Variants in EMCN observed in about 807,000 individuals in gnomAD.
EMCN encodes the protein endomucin, also known as MUC-14.
EMCN carries 37 observed loss-of-function variants against 38.4 expected under a neutral mutation model. The observed-to-expected ratio is 0.96, with a 90% CI of 0.74 to 1.27. EMCN has a LOEUF of 1.27. Among genes scored for constraint, EMCN ranks in the 50% most tolerant of loss-of-function variants. EMCN has a pLI of 0.00. For synonymous variants in EMCN, 95 were observed against 100.8 expected, an observed-to-expected ratio of 0.94 and a Z score of 0.35; for missense variants, 318 against 302.8, an observed-to-expected ratio of 1.05 and a Z score of -0.37.
chr4:100,483,395 C>G (rs1728861720), intron 1 of EMCN: 2 of 152,130 alleles, frequency 1.3e-5, no homozygotes, highest in Admixed American at 1.3e-4. Flanking sequence ...TCAGCTCCAG[C>G]TGCTCTCTGC....
At chr4:100,416,305 C>T (rs1434762095) in intron 9 of EMCN, among the ~76,000 whole-genome samples, 3 of 152,094 alleles carry the variant, frequency 2.0e-5, no homozygotes, top group African/African-American at 4.8e-5. Context: ...AGGTCCATAT[C>T]GCACATGTCT....
chr4:100,439,643 TTTA>T (rs1727455539), intron 5 of EMCN, among the ~76,000 whole-genome samples: 1 of 151,710 alleles, frequency 6.6e-6, no homozygotes, highest in South Asian at 2.1e-4. Context: ...TGTTTTTATT[TTTA>T]TTATTTTCTT....
At chr4:100,477,786 CAGAT>C (rs1297643698) in intron 2 of EMCN, among the ~76,000 whole-genome samples, 4 of 140,288 alleles carry the variant, frequency 2.9e-5, no homozygotes, top group African/African-American at 1.1e-4. Flanking sequence ...TTCTTCACTA[CAGAT>C]ACCTTTTTTT....
At chr4:100,475,534 T>C (rs11097721) in intron 2 of EMCN, among the ~76,000 whole-genome samples, 57,563 of 151,422 alleles carry the variant, frequency 0.38, 11,838 homozygotes, top group East Asian at 0.77. Context: ...TTTCATTTTA[T>C]TGATGTAGTT....
chr4:100,516,650 A>C (rs1005930326), intron 1 of EMCN, among the ~76,000 whole-genome samples: 1 of 152,150 alleles, frequency 6.6e-6, no homozygotes, highest in African/African-American at 2.4e-5. Context: ...TCCAAGATGC[A>C]TGATGAGCAA....
chr4:100,464,582 T>C (rs944157028), intron 4 of EMCN, among the ~76,000 whole-genome samples: 3 of 152,216 alleles, frequency 2.0e-5, no homozygotes, highest in Admixed American at 1.3e-4. Context: ...TTCTAGTTTA[T>C]TGAGAGTTTT....
chr4:100,423,812 C>T (rs1726968059), intron 5 of EMCN, among the ~76,000 whole-genome samples: 1 of 151,938 alleles, frequency 6.6e-6, no homozygotes. Flanking sequence ...CATAACTGCA[C>T]AGGACGTCAG....
intron 10 of EMCN, among the ~76,000 whole-genome samples, chr4:100,414,738 T>C (rs1726665809): frequency 6.6e-6 from 1 of 152,174 alleles, no homozygotes; most frequent in Non-Finnish European, 1.5e-5. Context: ...CAGCCTTTAA[T>C]ATCTTGCTCT....
chr4:100,406,700 A>T (rs974251197), intron 11 of EMCN, among the ~76,000 whole-genome samples: 16 of 152,120 alleles, frequency 1.1e-4, no homozygotes, highest in Non-Finnish European at 1.6e-4. Flanking sequence ...AAGGATTTAT[A>T]TTCTGCTTTT....
chr4:100,494,422 G>T (rs575392709), intron 1 of EMCN, among the ~76,000 whole-genome samples: 182 of 152,200 alleles, frequency 1.2e-3, no homozygotes, highest in African/African-American at 4.3e-3. Flanking sequence ...TGGTTGGGGA[G>T]TATCTGCTCT....
In EMCN at chr4:100,423,095, A is replaced by G. The variant is rs753147720; in HGVS notation, c.509-15T>C. On this transcript the variant is annotated splice_polypyrimidine_tract_variant and intron_variant, in intron 6 of 11. Transcript: ENST00000296420. ...AGTGCCTATTACTTTAAGAAAGAAA[A>G]AAACAAGTCACTTTTGGTTAATGTG... is the stretch of plus-strand genomic sequence containing the variant. 3.7e-5 allele frequency: 59 copies of G among 1,612,654 alleles called. No homozygotes were observed. The South Asian group carries it at 6.4e-4, about 17-fold the overall frequency.
At chr4:100,495,278 A>T (rs1729182219) in intron 1 of EMCN, among the ~76,000 whole-genome samples, 1 of 152,072 alleles carries the variant, frequency 6.6e-6, no homozygotes, top group South Asian at 2.1e-4. Flanking sequence ...GCTGAGTCAC[A>T]ATAATGAGTT....
chr4:100,495,997 A>G (rs1729196929), intron 1 of EMCN, among the ~76,000 whole-genome samples: 1 of 152,152 alleles, frequency 6.6e-6, no homozygotes, highest in Admixed American at 6.5e-5. Flanking sequence ...TTGAAATTTC[A>G]TATTGAAATA....
At chr4:100,404,871 A>T (rs1449865147) in intron 11 of EMCN, among the ~76,000 whole-genome samples, 1 of 151,904 alleles carries the variant, frequency 6.6e-6, no homozygotes, top group African/African-American at 2.4e-5. Flanking sequence ...CCATTGGTTC[A>T]TGTCATTTCT....
At chr4:100,514,224 A>G (rs6847439) in intron 1 of EMCN, among the ~76,000 whole-genome samples, 60,757 of 151,568 alleles carry the variant, frequency 0.4, 12,893 homozygotes, top group East Asian at 0.74. Context: ...ACCAAATACC[A>G]TTTTTCTCAC....
At chr4:100,418,112 C>A (rs146310214) in intron 8 of EMCN, among the ~76,000 whole-genome samples, 134 of 152,244 alleles carry the variant, frequency 8.8e-4, no homozygotes, top group African/African-American at 2.8e-3. Flanking sequence ...TAGGATTTAA[C>A]CCATGGCACC....
At chr4:100,464,230 T>C (rs1182400744) in intron 4 of EMCN, among the ~76,000 whole-genome samples, 5 of 151,900 alleles carry the variant, frequency 3.3e-5, no homozygotes, top group South Asian at 2.1e-4. Flanking sequence ...AAAATATAAT[T>C]TATTTTAATA....
chr4:100,480,685 C>A (rs998452288), intron 1 of EMCN, among the ~76,000 whole-genome samples: 33 of 151,674 alleles, frequency 2.2e-4, no homozygotes, highest in Non-Finnish European at 2.8e-4. Flanking sequence ...CACCATAAAT[C>A]CACATTTTTT....
At chr4:100,421,505 A>G (rs1271757990) in intron 7 of EMCN, 128 bp from the exon 8 acceptor site, 9 of 715,976 alleles carry the variant, frequency 1.3e-5, no homozygotes, top group Non-Finnish European at 1.9e-5. Flanking sequence ...AACATATTTT[A>G]GGCAAAGATT....
Sources: allele counts gnomAD v4.1 joint callset (sites outside exome capture counted in the v4.1 genomes callset), GRCh38; gene constraint gnomAD v4.1.1; transcripts MANE v1.5; gene names NCBI Gene and HGNC (gene_info 2026-07-23, HGNC 2026-07-21).